UTS2B: variants seen among roughly 807,000 people sequenced by gnomAD.
The protein encoded by UTS2B is urotensin 2B.
A neutral mutation model predicts 19.2 loss-of-function variants in UTS2B; 21 were observed. The ratio of observed to expected loss-of-function variants is 1.09; its 90% CI spans 0.78 to 1.58. The LOEUF is 1.58. Among genes scored for constraint, UTS2B ranks in the 40% most tolerant of loss-of-function variants. The pLI is 0.00. For synonymous variants in UTS2B, 57 were observed against 50.2 expected, an observed-to-expected ratio of 1.14 and a Z score of -0.58; for missense variants, 138 against 130.3, an observed-to-expected ratio of 1.06 and a Z score of -0.29.
intron 8 of UTS2B, among the ~76,000 whole-genome samples, chr3:191,272,248 G>A (rs1716112663): frequency 6.6e-6 from 1 of 152,202 alleles, no homozygotes; most frequent in South Asian, 2.1e-4. Flanking sequence ...TGAGGGTGCT[G>A]CTGTAAAACA....
At chr3:191,307,316 T>C (rs1459462183) in intron 3 of UTS2B, among the ~76,000 whole-genome samples, 4 of 152,154 alleles carry the variant, frequency 2.6e-5, no homozygotes, top group African/African-American at 9.7e-5. Context: ...CCAACTGAAT[T>C]TCCCTGTGAC....
rs191052135 is a variant in UTS2B at position 191,274,663 on chromosome 3, A to C, written c.334+589T>G. Among the ~76,000 whole-genome samples the C allele has an allele frequency of 1.1e-4, 17 of 152,340 alleles. No individual in the cohort carries two copies. In the East Asian group the frequency reaches 3.1e-3, roughly 28 times the overall value. On this transcript the variant is annotated intron_variant, in intron 8 of 8. Coordinates refer to ENST00000340524, the MANE Select transcript of UTS2B (RefSeq NM_198152.5). The stretch of plus-strand genomic sequence containing the variant: ...TTAAAATATGATTTTACAGAAGTTA[A>C]AGACAAATCTGGTATAGGGGACAAG...
chr3:191,302,825 A>G (rs985511689), intron 4 of UTS2B, among the ~76,000 whole-genome samples: 1 of 152,140 alleles, frequency 6.6e-6, no homozygotes, highest in East Asian at 1.9e-4. Context: ...AAGGAGAAAC[A>G]AGGCCTCTCT....
chr3:191,331,487 T>G (rs1717982976), upstream of UTS2B, among the ~76,000 whole-genome samples: 1 of 152,246 alleles, frequency 6.6e-6, no homozygotes, highest in African/African-American at 2.4e-5. Flanking sequence ...GCTTTCATTT[T>G]GCGTAATACG....
chr3:191,297,937 T>G (rs1212411187), intron 4 of UTS2B, among the ~76,000 whole-genome samples: 1 of 152,232 alleles, frequency 6.6e-6, no homozygotes, highest in Admixed American at 6.5e-5. Flanking sequence ...TAAATAACAC[T>G]TTCTACTTCT....
intron 4 of UTS2B, among the ~76,000 whole-genome samples, chr3:191,296,475 C>A (rs1716861533): frequency 6.6e-6 from 1 of 152,194 alleles, no homozygotes; most frequent in South Asian, 2.1e-4. Flanking sequence ...CTCTCCATTG[C>A]ACTACAAGCT....
At position 191,286,495 on chromosome 3, in the gene UTS2B, T is replaced by TA. The variant is rs199997342; in HGVS notation, c.-124-4183dup. On this transcript the variant is annotated intron_variant, in intron 4 of 8. Transcript: ENST00000340524. ...AGAAAATTCACAAATACATGGAAAT[T>TA]AAAAAAATGTTTTCTACACAGCTAA... Among the ~76,000 whole-genome samples the TA allele has an allele frequency of 6.0e-3, 907 of 151,798 alleles. 8 individuals carry two copies. The highest frequency in any genetic ancestry group is 0.021 in the African/African-American group (861 of 41,398).
rs192782341 is a variant in UTS2B, at chr3:191,316,687, C to A, written c.-585-248G>T. On this transcript the variant is annotated intron_variant, in intron 2 of 8. Transcript: ENST00000340524. ...GAGTGCTGGTTGGTGCATTTACAAT[C>A]CTCTAGCTAGCCATAAAAGTTCTCC... is the stretch of plus-strand genomic sequence containing the variant. 7.9e-3 allele frequency among the ~76,000 whole-genome samples: 1,197 copies of A among 152,336 alleles called. 11 individuals are homozygous for A. Among genetic ancestry groups the A allele is most frequent in the African/African-American group, 0.027 (1,106 of 41,570 alleles).
chr3:191,317,062 G>A (rs565945877), intron 2 of UTS2B, among the ~76,000 whole-genome samples: 1 of 152,364 alleles, frequency 6.6e-6, no homozygotes, highest in African/African-American at 2.4e-5. Context: ...TTGGAGCAGG[G>A]GGTGGTGCCC....
intron 1 of UTS2B, among the ~76,000 whole-genome samples, 179 bp downstream of exon 1, chr3:191,330,235 T>C (rs1183403543): frequency 6.6e-6 from 1 of 151,998 alleles, no homozygotes; most frequent in Admixed American, 6.6e-5. Flanking sequence ...GGTTTAAAAG[T>C]TTAGTCTTGG....
chr3:191,329,931 A>G (rs1482530287), intron 1 of UTS2B, among the ~76,000 whole-genome samples: 1 of 36,576 alleles, frequency 2.7e-5, no homozygotes, highest in Non-Finnish European at 5.1e-5. Context: ...GTTTTTTCTC[A>G]AGGGGGTGGT....
At chr3:191,318,433 G>T (rs1717524706) in intron 2 of UTS2B, among the ~76,000 whole-genome samples, 1 of 137,292 alleles carries the variant, frequency 7.3e-6, no homozygotes. Flanking sequence ...CTTTAAATTG[G>T]GTTGCAATGT....
chr3:191,334,918 T>A (rs1348545557), upstream of UTS2B, among the ~76,000 whole-genome samples: 2 of 152,162 alleles, frequency 1.3e-5, no homozygotes, highest in African/African-American at 4.8e-5. Context: ...GCAAATGAAT[T>A]ACTGAGTGAA....
the UTS2B span, among the ~76,000 whole-genome samples, chr3:191,342,562 G>T: frequency 5.9e-3 from 903 of 152,254 alleles, 10 homozygotes; most frequent in African/African-American, 0.02. Context: ...TTGTACTTAA[G>T]CTGGGCTGGA....
At position 191,304,538 on chromosome 3, in the gene UTS2B, T is replaced by C. The variant is rs1717087178; in HGVS notation, c.-171A>G. The C allele has an allele frequency of 6.6e-6, 1 of 152,262 alleles. No individual in the cohort carries two copies. The allele number at this position is 152,262 out of a possible 1,614,324, so 9.4% of individuals were successfully genotyped here. ...CCCAAATAAACTCCTTTGACTTGGA[T>C]CCTTCTGCTTCTGCAGAAAGCAAAT... On this transcript the variant is annotated 5_prime_UTR_variant, in exon 4 of 9. Transcript: ENST00000340524.
intron 5 of UTS2B, among the ~76,000 whole-genome samples, chr3:191,281,824 T>C (rs533894099): frequency 6.7e-6 from 1 of 150,310 alleles, no homozygotes; most frequent in East Asian, 1.9e-4. Context: ...CCCCAATATT[T>C]AAAAAAAAAT....
chr3:191,306,873 C>G (rs1241981060), intron 3 of UTS2B, among the ~76,000 whole-genome samples: 1 of 152,156 alleles, frequency 6.6e-6, no homozygotes, highest in Non-Finnish European at 1.5e-5. Flanking sequence ...CTCAAGTGAT[C>G]CGCCTGCCTC....
chr3:191,332,675 CAT>C (rs917950618), upstream of UTS2B, among the ~76,000 whole-genome samples: 2 of 152,162 alleles, frequency 1.3e-5, no homozygotes, highest in Admixed American at 1.3e-4. Flanking sequence ...GAGCTGGAAA[CAT>C]ATTTTTGTAA....
the UTS2B span, among the ~76,000 whole-genome samples, chr3:191,340,471 T>C: frequency 6.6e-6 from 1 of 152,236 alleles, no homozygotes; most frequent in African/African-American, 2.4e-5. Context: ...CCAAAAAGTT[T>C]TAATCTGCAT....
Sources: allele counts gnomAD v4.1 joint callset (sites outside exome capture counted in the v4.1 genomes callset), GRCh38; gene constraint gnomAD v4.1.1; transcripts MANE v1.5; gene names NCBI Gene and HGNC (gene_info 2026-07-23, HGNC 2026-07-21).